Variants in TMC1 observed in about 807,000 individuals in gnomAD.
TMC1 encodes transmembrane channel like 1.
TMC1 carries 84 observed loss-of-function variants against 105.8 expected under a neutral mutation model. The ratio of observed to expected loss-of-function variants is 0.79; its 90% CI spans 0.67 to 0.95. The LOEUF is 0.95. Among genes scored for constraint, TMC1 ranks in the 40% least tolerant of loss-of-function variants. TMC1 has a pLI of 0.00. For synonymous variants in TMC1, 315 were observed against 311.5 expected (o/e 1.01, Z -0.12); for missense variants, 817 against 914.1 (o/e 0.89, Z 1.37).
At chr9:72,574,252 G>T (rs1824337138) in intron 1 of TMC1, among the ~76,000 whole-genome samples, 1 of 152,212 alleles carries the variant, frequency 6.6e-6, no homozygotes, top group Non-Finnish European at 1.5e-5. Flanking sequence ...AGAACAGAAA[G>T]AATTGTGAAC....
At chr9:72,571,216 G>T (rs1824277988) in intron 1 of TMC1, among the ~76,000 whole-genome samples, 2 of 150,808 alleles carry the variant, frequency 1.3e-5, no homozygotes, top group South Asian at 4.2e-4. Context: ...CCAGCTACTT[G>T]GGAGGCTGAG....
intron 15 of TMC1, among the ~76,000 whole-genome samples, chr9:72,789,863 A>G (rs1828236848): frequency 6.6e-6 from 1 of 152,198 alleles, no homozygotes; most frequent in South Asian, 2.1e-4. Context: ...TTTCATTAGA[A>G]GCCTAACTGC....
chr9:72,747,656 G>A (rs761240331), intron 10 of TMC1, among the ~76,000 whole-genome samples: 4 of 152,058 alleles, frequency 2.6e-5, no homozygotes, highest in African/African-American at 4.8e-5. Context: ...GTGCAGTGGC[G>A]CAATCTCGGC....
chr9:72,570,144 G>A (rs1824246759), intron 1 of TMC1, among the ~76,000 whole-genome samples: 1 of 151,890 alleles, frequency 6.6e-6, no homozygotes, highest in Non-Finnish European at 1.5e-5. Flanking sequence ...TTAGGGCTTA[G>A]TTAGTTATTG....
At chr9:72,726,265 T>C (rs983997603) in intron 8 of TMC1, among the ~76,000 whole-genome samples, 33 of 152,206 alleles carry the variant, frequency 2.2e-4, no homozygotes, top group African/African-American at 7.2e-4. Flanking sequence ...ATGCATAAGT[T>C]TACCTATATA....
intron 21 of TMC1, among the ~76,000 whole-genome samples, chr9:72,829,848 C>A (rs912942670): frequency 2.8e-4 from 42 of 152,260 alleles, no homozygotes; most frequent in African/African-American, 9.6e-4. Flanking sequence ...CTAGAATTTG[C>A]CCTTTCTAGA....
At chr9:72,708,046 T>C (rs1826773218) in intron 8 of TMC1, among the ~76,000 whole-genome samples, 2 of 152,322 alleles carry the variant, frequency 1.3e-5, no homozygotes, top group South Asian at 4.1e-4. Context: ...TATGTTTTTG[T>C]TTGCTTTGTC....
At chr9:72,637,948 T>C (rs1210778980) in intron 4 of TMC1, among the ~76,000 whole-genome samples, 2 of 152,182 alleles carry the variant, frequency 1.3e-5, no homozygotes, top group Non-Finnish European at 2.9e-5. Context: ...CCTAGTACAT[T>C]TTAAAGTGGA....
At chr9:72,630,309 A>G (rs1287917105) in intron 4 of TMC1, among the ~76,000 whole-genome samples, 3 of 152,230 alleles carry the variant, frequency 2.0e-5, no homozygotes, top group Admixed American at 6.5e-5. Flanking sequence ...AAATAATAAA[A>G]CTAATGAAAA....
intron 12 of TMC1, among the ~76,000 whole-genome samples, 181 bp downstream of exon 12, chr9:72,755,065 AGGGAGG>A (rs1380008213): frequency 7.7e-4 from 80 of 103,490 alleles, no homozygotes; most frequent in African/African-American, 2.7e-3. Flanking sequence ...GGAGGGAGGG[AGGGAGG>A]GAGAGAGAGA....
intron 5 of TMC1, among the ~76,000 whole-genome samples, chr9:72,681,359 G>A (rs1174393268): frequency 6.6e-6 from 1 of 151,832 alleles, no homozygotes; most frequent in Non-Finnish European, 1.5e-5. Flanking sequence ...AAATGTCTTT[G>A]TAAATAGCTA....
intron 7 of TMC1, among the ~76,000 whole-genome samples, chr9:72,696,173 G>A (rs886429211): frequency 2.6e-5 from 4 of 152,146 alleles, no homozygotes; most frequent in Middle Eastern, 3.4e-3. Flanking sequence ...TGCTCTCTTC[G>A]TCTGCTGATG....
chr9:72,735,575 G>A (rs1248132474), intron 8 of TMC1, among the ~76,000 whole-genome samples: 2 of 152,020 alleles, frequency 1.3e-5, no homozygotes, highest in Non-Finnish European at 2.9e-5. Flanking sequence ...CTTTCTAATT[G>A]TACAATGAAA....
intron 2 of TMC1, among the ~76,000 whole-genome samples, chr9:72,600,015 T>C (rs1406243143): frequency 2.6e-5 from 4 of 152,234 alleles, no homozygotes; most frequent in Non-Finnish European, 5.9e-5. Context: ...GAAGGTGGGC[T>C]GTCAAGGAAG....
intron 17 of TMC1, among the ~76,000 whole-genome samples, chr9:72,795,510 A>G (rs1272554744): frequency 6.6e-6 from 1 of 152,222 alleles, no homozygotes; most frequent in Non-Finnish European, 1.5e-5. Context: ...TTAAAGAAAA[A>G]AAATCTTCAA....
chr9:72,805,290 A>G (rs1360181118), intron 17 of TMC1, 92 bp from the exon 18 acceptor site: 1 of 1,447,662 alleles, frequency 6.9e-7, no homozygotes, highest in East Asian at 2.3e-5. Flanking sequence ...CTTCAAGCCA[A>G]TACTTCTTTA....
At chr9:72,726,320 G>C (rs1827125486) in intron 8 of TMC1, among the ~76,000 whole-genome samples, 1 of 151,934 alleles carries the variant, frequency 6.6e-6, no homozygotes, top group Admixed American at 6.6e-5. Flanking sequence ...ATACACAAAG[G>C]CACTCATATC....
At chr9:72,666,872 A>C (rs151194083) in intron 5 of TMC1, among the ~76,000 whole-genome samples, 146 of 148,420 alleles carry the variant, frequency 9.8e-4, no homozygotes, top group South Asian at 6.6e-3. Context: ...CAGCATAGGG[A>C]AATCCCATCT....
At chr9:72,811,438 A>G (rs918373938) in intron 18 of TMC1, among the ~76,000 whole-genome samples, 32 of 152,296 alleles carry the variant, frequency 2.1e-4, no homozygotes, top group Non-Finnish European at 2.1e-4. Context: ...GAGGAGTAGA[A>G]TAGTTTGTCC....
Sources: allele counts gnomAD v4.1 joint callset (sites outside exome capture counted in the v4.1 genomes callset), GRCh38; gene constraint gnomAD v4.1.1; transcripts MANE v1.5; gene names NCBI Gene and HGNC (gene_info 2026-07-23, HGNC 2026-07-21).